The following NRG3 variants were observed in gnomAD, a reference collection of about 807,000 sequenced individuals.
NRG3 encodes neuregulin 3.
NRG3 carries 31 observed loss-of-function variants against 66.9 expected under a neutral mutation model. That is an observed-to-expected ratio of 0.46 (90% CI 0.35 to 0.63). The LOEUF is 0.63. Among genes scored for constraint, NRG3 ranks in the 20% least tolerant of loss-of-function variants. The pLI is 0.00. For synonymous variants in NRG3, 393 were observed against 359.4 expected (o/e 1.09, Z -1.06); for missense variants, 910 against 878.9 (o/e 1.04, Z -0.45).
At chr10:82,850,836 T>G (rs556536407) in intron 3 of NRG3, among the ~76,000 whole-genome samples, 11 of 152,294 alleles carry the variant, frequency 7.2e-5, no homozygotes, top group Non-Finnish European at 1.5e-4. Context: ...ATTAAATAGC[T>G]TCTTAATTTT....
At chr10:82,170,654 G>GTGTA (rs1554839695) in intron 1 of NRG3, among the ~76,000 whole-genome samples, 4,826 of 73,950 alleles carry the variant, frequency 0.065, 593 homozygotes, top group Middle Eastern at 0.13. Context: ...AAAACTTGTG[G>GTGTA]TATATATATA....
At chr10:82,250,538 A>C (rs2077435405) in intron 1 of NRG3, among the ~76,000 whole-genome samples, 1 of 152,170 alleles carries the variant, frequency 6.6e-6, no homozygotes, top group East Asian at 1.9e-4. Context: ...CAATTAGCCA[A>C]GATGGAGCCA....
intron 2 of NRG3, among the ~76,000 whole-genome samples, chr10:82,427,821 G>A (rs182778228): frequency 3.4e-4 from 51 of 152,158 alleles, no homozygotes; most frequent in Admixed American, 2.6e-3. Context: ...GATTTTATCA[G>A]TGATGTCATC....
rs767942442 is a variant in NRG3, at chr10:81,875,505, C to A, written c.165C>A (p.Ser55Arg). Residue 55 changes from serine to arginine, a missense_variant, in exon 1 of 9, where the codon AGC becomes AGA. By Grantham distance (110) the Ser-to-Arg change is moderately radical. Coordinates refer to ENST00000372141, the MANE Select transcript of NRG3 (RefSeq NM_001010848.4). This position sits in a 1 kb window ranked among gnomAD's most constrained non-coding sequence, Gnocchi z 5.3. Reference sequence around the variant, plus strand: ...AGCCCCCCCGGGAGTTACGCTGTAGCGACTGCATCGTGTGGAACCGGCAGC... The same window carrying A: ...AGCCCCCCCGGGAGTTACGCTGTAGAGACTGCATCGTGTGGAACCGGCAGC... ...AAEPPRELRC[S>R]DCIVWNRQQT... The A allele has an allele frequency of 4.4e-6, 7 of 1,604,862 alleles. No individual in the cohort carries two copies. The highest frequency in any genetic ancestry group is 4.3e-6 in the Non-Finnish European group (5 of 1,176,216).
rs569429486 is a variant in NRG3, at chr10:82,734,284, A to C, written c.954-4293A>C. ...AGGGGGTGCTTTTTATTTCAGGTAC[A>C]GCTGGGCAGGTGGGATGGATCAGGG... On this transcript the variant is annotated intron_variant, in intron 2 of 8. Transcript: ENST00000372141. Among the ~76,000 whole-genome samples, 18 of 152,314 alleles carry C rather than the reference A, an allele frequency of 1.2e-4. No homozygotes were observed. The South Asian group carries it at 2.9e-3, about 25-fold the overall frequency.
intron 1 of NRG3, among the ~76,000 whole-genome samples, chr10:82,214,865 T>C (rs193300738): frequency 3.3e-4 from 50 of 152,312 alleles, no homozygotes; most frequent in Non-Finnish European, 5.0e-4. Flanking sequence ...GATGCTAGTC[T>C]GAACAAAGGA....
At chr10:82,144,373 GCT>G (rs1339814600) in intron 1 of NRG3, among the ~76,000 whole-genome samples, 3 of 152,142 alleles carry the variant, frequency 2.0e-5, no homozygotes, top group Admixed American at 2.0e-4. Flanking sequence ...ACCTGCTCCT[GCT>G]CTCTCTTGTG....
chr10:82,613,319 T>C (rs76523392), intron 2 of NRG3, among the ~76,000 whole-genome samples: 164 of 152,170 alleles, frequency 1.1e-3, no homozygotes, highest in African/African-American at 3.9e-3. Flanking sequence ...TAAGGGCTTA[T>C]ATCTGTAATT....
At chr10:82,697,844 T>C (rs996749965) in intron 2 of NRG3, among the ~76,000 whole-genome samples, 4 of 152,080 alleles carry the variant, frequency 2.6e-5, no homozygotes, top group African/African-American at 9.7e-5. Context: ...CACTCTGTAA[T>C]TGGCCTGCGT....
chr10:81,988,185 A>G lies in NRG3; in HGVS notation c.823+112022A>G, dbSNP rs559978163. ...GAAATGCTCTGAAATAACTATTGCC[A>G]TCCTGCTTTCTTAAGTAAATGGTCT... On this transcript the variant is annotated intron_variant, in intron 1 of 8. Coordinates refer to ENST00000372141, the MANE Select transcript of NRG3 (RefSeq NM_001010848.4). Among the ~76,000 whole-genome samples the G allele has an allele frequency of 7.2e-5, 11 of 152,310 alleles. No homozygotes were observed. In the East Asian group the frequency reaches 1.9e-3, roughly 27 times the overall value.
At chr10:82,118,293 G>A (rs2067857043) in intron 1 of NRG3, among the ~76,000 whole-genome samples, 1 of 151,682 alleles carries the variant, frequency 6.6e-6, no homozygotes, top group Admixed American at 6.6e-5. Flanking sequence ...TAGCATCCAG[G>A]GGCCCTCTTT....
chr10:82,545,571 T>C (rs1590604779), intron 2 of NRG3, among the ~76,000 whole-genome samples: 2 of 151,512 alleles, frequency 1.3e-5, no homozygotes, highest in Non-Finnish European at 2.9e-5. Context: ...TTAGTAGAGA[T>C]GGGGTTTCAC....
chr10:82,483,101 TG>T (rs1590293953), intron 2 of NRG3, among the ~76,000 whole-genome samples: 1 of 152,146 alleles, frequency 6.6e-6, no homozygotes, highest in East Asian at 1.9e-4. Flanking sequence ...CCCAAACAGA[TG>T]AAAAAAAGTA....
chr10:82,166,066 A>G, intron 1 of NRG3, among the ~76,000 whole-genome samples: 1 of 151,998 alleles, frequency 6.6e-6, no homozygotes, highest in East Asian at 1.9e-4. Flanking sequence ...CTTGTTGCCC[A>G]GACTGGAGTG....
At chr10:82,026,665 A>G (rs1362014143) in intron 1 of NRG3, among the ~76,000 whole-genome samples, 1 of 151,220 alleles carries the variant, frequency 6.6e-6, no homozygotes, top group East Asian at 2.0e-4. Context: ...GGTGTGTTTG[A>G]ATTTTGTCTG....
intron 3 of NRG3, among the ~76,000 whole-genome samples, chr10:82,795,723 G>T (rs917293752): frequency 6.6e-6 from 1 of 152,098 alleles, no homozygotes; most frequent in African/African-American, 2.4e-5. Flanking sequence ...TTTTAAAGGG[G>T]TAAAGCAGAA....
At chr10:82,521,971 A>T (rs1012570784) in intron 2 of NRG3, among the ~76,000 whole-genome samples, 2 of 151,476 alleles carry the variant, frequency 1.3e-5, no homozygotes, top group Admixed American at 1.3e-4. Context: ...TCTCATCTTC[A>T]GGCTCTACCC....
intron 1 of NRG3, among the ~76,000 whole-genome samples, chr10:82,069,668 A>C (rs1182329805): frequency 2.0e-5 from 3 of 152,234 alleles, no homozygotes; most frequent in Non-Finnish European, 2.9e-5. Flanking sequence ...GTGTTCATAC[A>C]AAGAAAACAA....
At chr10:82,278,392 A>G (rs1384159976) in intron 1 of NRG3, among the ~76,000 whole-genome samples, 1 of 152,040 alleles carries the variant, frequency 6.6e-6, no homozygotes, top group East Asian at 1.9e-4. Context: ...TAGGGCTCCT[A>G]TAGCTATAGG....
Sources: allele counts gnomAD v4.1 joint callset (sites outside exome capture counted in the v4.1 genomes callset), GRCh38; gene constraint gnomAD v4.1.1; non-coding constraint Gnocchi (gnomAD v3.1); transcripts MANE v1.5; gene names NCBI Gene and HGNC (gene_info 2026-07-23, HGNC 2026-07-21).